The following ANO1 variants were observed in gnomAD, a reference collection of about 807,000 sequenced individuals.
ANO1 encodes the protein anoctamin 1.
Under a neutral mutation model 124.0 loss-of-function variants are expected in ANO1, and 59 were observed. The observed-to-expected ratio is 0.48, with a 90% CI of 0.39 to 0.59. ANO1 has a LOEUF of 0.59. ANO1 is among the 20% of genes least tolerant of loss of function. ANO1 has a pLI of 0.00. For synonymous variants in ANO1, 529 were observed against 532.0 expected (o/e 0.99, Z 0.08); for missense variants, 1,059 against 1,328.0 (o/e 0.80, Z 3.15).
chr11:70,087,070 C>T (rs12417432), intron 1 of ANO1, among the ~76,000 whole-genome samples: 14,212 of 152,280 alleles, frequency 0.093, 991 homozygotes, highest in Admixed American at 0.19. Context: ...GGGGAGCCCT[C>T]ATTCACTTGG....
chr11:70,131,980 A>G lies in ANO1; in HGVS notation c.1159A>G (p.Ser387Gly). ...GTGCCCGCTTTGCGACAAGACCTGC[A>G]GCTACTGGAAGATGAGCTCAGCCTG... ...TMCPLCDKTC[S>G]YWKMSSACAT... The change falls in exon 11 of 26, where the codon AGC (serine) becomes GGC (glycine). Residue 387 changes from serine (S) to glycine (G), a missense_variant. Coordinates refer to ENST00000355303, the MANE Select transcript of ANO1 (RefSeq NM_018043.7). 1 of 1,610,638 alleles carries G rather than the reference A, an allele frequency of 6.2e-7. No individual in the cohort carries two copies. Among genetic ancestry groups the G allele is most frequent in the African/African-American group, 1.3e-5 (1 of 75,054 alleles).
At chr11:70,179,758 C>A (rs1194993079) in intron 22 of ANO1, among the ~76,000 whole-genome samples, 2 of 152,184 alleles carry the variant, frequency 1.3e-5, no homozygotes, top group Non-Finnish European at 2.9e-5. Context: ...ACTGAGGGAG[C>A]AGCTGTCTTT....
chr11:70,155,994 T>C lies in ANO1; in HGVS notation c.1503+6T>C. On this transcript the variant is annotated splice_donor_region_variant and intron_variant, in intron 15 of 25. Transcript: ENST00000355303. Reference sequence around the variant, plus strand: ...CCATGGCGGGGGTGAAATTGGTACTTTTCTATTTTGCGGGCAGCGCGCGTC... The same window carrying C: ...CCATGGCGGGGGTGAAATTGGTACTCTTCTATTTTGCGGGCAGCGCGCGTC... The C allele has an allele frequency of 1.3e-6, 2 of 1,512,998 alleles. No homozygotes were observed. Among genetic ancestry groups the C allele is most frequent in the Non-Finnish European group, 1.8e-6 (2 of 1,130,708 alleles). 93.7% of individuals were successfully genotyped at this position (1,512,998 alleles called of 1,614,324 possible).
At chr11:70,186,242 G>A (rs911672320) in intron 25 of ANO1, among the ~76,000 whole-genome samples, 2 of 151,814 alleles carry the variant, frequency 1.3e-5, no homozygotes, top group Non-Finnish European at 2.9e-5. Flanking sequence ...AGCCGAGATC[G>A]TGCCACTACA....
chr11:70,108,808 A>G (rs1590754010), intron 6 of ANO1, among the ~76,000 whole-genome samples: 1 of 152,196 alleles, frequency 6.6e-6, no homozygotes, highest in South Asian at 2.1e-4. Context: ...GACCCTTAAA[A>G]GCACAGCTGG....
rs574576642 is a variant in ANO1, at chr11:70,161,375, G to A, written c.1780+13G>A. The A allele has an allele frequency of 1.9e-6, 3 of 1,613,242 alleles. No individual in the cohort carries two copies. The highest frequency in any genetic ancestry group is 2.2e-5 in the South Asian group (2 of 91,078). ...CTCACCAAGATCGGTGAGTGCCCAT[G>A]TTCCAGGTACTGTGGCCTGGACTCA... On this transcript the variant is annotated intron_variant, in intron 17 of 25. Transcript: ENST00000355303.
At chr11:69,974,514 C>G in the ANO1 span, among the ~76,000 whole-genome samples, 2 of 152,188 alleles carry the variant, frequency 1.3e-5, no homozygotes, top group Admixed American at 6.5e-5. Flanking sequence ...CTGCCCAAGA[C>G]GGCTGAGCTG....
chr11:69,988,140 T>C (rs1299277726), intron 1 of ANO1, among the ~76,000 whole-genome samples: 4 of 152,204 alleles, frequency 2.6e-5, no homozygotes, highest in Non-Finnish European at 4.4e-5. Flanking sequence ...TTTCGCTCTG[T>C]CCATGTCATT....
At chr11:70,185,154 A>C (rs907375138) in intron 24 of ANO1, among the ~76,000 whole-genome samples, 1 of 152,170 alleles carries the variant, frequency 6.6e-6, no homozygotes, top group African/African-American at 2.4e-5. Context: ...CAGGAGGTTC[A>C]AGCTTAGGGA....
chr11:69,984,361 TGGGATTTTGAG>T (rs56328023), upstream of ANO1, among the ~76,000 whole-genome samples: 132,190 of 151,812 alleles, frequency 0.87, 57,969 homozygotes, highest in East Asian at 0.99. Context: ...AGTGCCTGTG[TGGGATTTTGAG>T]TCCGGACTGA....
At position 70,079,425 on chromosome 11, in the gene ANO1, C is replaced by A. The variant is rs866524952; in HGVS notation, c.108+711C>A. Among the ~76,000 whole-genome samples, 46 of 152,140 alleles carry A rather than the reference C, an allele frequency of 3.0e-4. 1 individual carries two copies. In the Middle Eastern group the frequency reaches 0.027, roughly 90 times the overall value. On this transcript the variant is annotated intron_variant, in intron 1 of 25. Transcript: ENST00000355303. ...AAGCCAGTCATGTAAGTTGGGGACC[C>A]CATCCTGAGGTCCCCAATATCCCCA...
rs572690263 is a variant in ANO1 at position 70,022,951 on chromosome 11, A to C, written c.58+36785A>C. 1.2e-4 allele frequency among the ~76,000 whole-genome samples: 18 copies of C among 152,252 alleles called. No homozygotes were observed. The East Asian group carries it at 3.3e-3, about 28-fold the overall frequency. ...GGGGAAGACATGAGGACAGAAACAG[A>C]GGTCAGAGGGATGCACTGCCAGCTT... is the stretch of plus-strand genomic sequence containing the variant. On this transcript the variant is annotated intron_variant, in intron 1 of 27. Coordinates refer to the ANO1 transcript ENST00000531349.
In ANO1 at chr11:70,163,477, C is replaced by T. The variant is rs78243128; in HGVS notation, c.1950+137C>T. The T allele has an allele frequency of 1.6e-3, 1,714 of 1,065,878 alleles. 20 individuals are homozygous for T. Among genetic ancestry groups the T allele is most frequent in the East Asian group, 0.012 (480 of 38,836 alleles). The allele number at this position is 1,065,878 out of a possible 1,614,324, so 66.0% of individuals were successfully genotyped here. On this transcript the variant is annotated intron_variant, in intron 19 of 25. Transcript: ENST00000355303. ...AGGTTTCTTTCCTTCTTGCTGGAAA[C>T]TTTTCTGTTCCCCTGATGTGGTGGG...
upstream of ANO1, among the ~76,000 whole-genome samples, chr11:69,982,764 G>A (rs1397185489): frequency 1.3e-5 from 2 of 152,140 alleles, no homozygotes; most frequent in Non-Finnish European, 2.9e-5. Flanking sequence ...GGAGGGCTGG[G>A]GCTTTGTTTT....
intron 18 of ANO1, among the ~76,000 whole-genome samples, chr11:70,162,270 A>G (rs1234869503): frequency 2.7e-5 from 4 of 147,054 alleles, no homozygotes; most frequent in African/African-American, 7.6e-5. Flanking sequence ...GGCCCCGGAC[A>G]GTGGGGACCC....
intron 5 of ANO1, among the ~76,000 whole-genome samples, chr11:70,107,027 T>C (rs1009915413): frequency 6.6e-6 from 1 of 152,074 alleles, no homozygotes; most frequent in African/African-American, 2.4e-5. Flanking sequence ...GGAGGGTAAA[T>C]GACTGGTGGA....
At position 70,028,104 on chromosome 11, in the gene ANO1, G is replaced by A. The variant is rs192815091; in HGVS notation, c.58+41938G>A. Among the ~76,000 whole-genome samples the A allele has an allele frequency of 3.3e-4, 50 of 152,276 alleles. No individual in the cohort carries two copies. In the East Asian group the frequency reaches 3.9e-3, roughly 12 times the overall value. ...TCAGAAGAAATAGATCCGAATAAGC[G>A]CCAATTCTGGTTGCCAAAGGGAGAT... On this transcript the variant is annotated intron_variant, in intron 1 of 27. Coordinates refer to the ANO1 transcript ENST00000531349.
intron 1 of ANO1, among the ~76,000 whole-genome samples, chr11:70,087,287 T>C (rs1405874252): frequency 1.3e-5 from 2 of 152,238 alleles, no homozygotes; most frequent in South Asian, 2.1e-4. Flanking sequence ...AACCCAGTTA[T>C]GCTCCTTTAG....
intron 1 of ANO1, chr11:70,085,650 T>C: frequency 6.6e-7 from 1 of 1,513,940 alleles, no homozygotes; most frequent in Admixed American, 2.1e-5. Flanking sequence ...TCTAGACCCT[T>C]GACATCAACA....
Sources: gnomAD v4.1 joint callset for allele counts (sites outside exome capture counted in the v4.1 genomes callset) on GRCh38, gnomAD v4.1.1 for gene constraint, MANE v1.5 for transcripts, NCBI Gene and HGNC (gene_info 2026-07-23, HGNC 2026-07-21) for gene names.